Variants in PCDHA9 observed in about 807,000 individuals in gnomAD.
PCDHA9 encodes protocadherin alpha-9.
Under a neutral mutation model 62.0 loss-of-function variants are expected in PCDHA9, and 62 were observed. The observed-to-expected ratio is 1.00, with a 90% confidence interval of 0.81 to 1.23. PCDHA9 has a LOEUF of 1.23. Ranked by LOEUF, PCDHA9 falls within the 50% of genes most tolerant of loss-of-function variation. PCDHA9 has a pLI of 0.00. For missense variants in PCDHA9, 1,205 were observed against 1,249.8 expected, an observed-to-expected ratio of 0.96 and a Z score of 0.54; for synonymous variants, 557 against 567.6, an observed-to-expected ratio of 0.98 and a Z score of 0.27.
chr5:140,892,058 T>C (rs1417540713), intron 1 of PCDHA9, among the ~76,000 whole-genome samples: 3 of 152,248 alleles, frequency 2.0e-5, no homozygotes, highest in African/African-American at 4.8e-5. Context: ...TCAAATTTAT[T>C]GTTACTTTGT....
chr5:140,856,760 G>T, intron 1 of PCDHA9: 1 of 1,596,522 alleles, frequency 6.3e-7, no homozygotes, highest in Admixed American at 1.7e-5. Context: ...CAATGATAAC[G>T]CCCCTATCTT....
At chr5:140,968,317 A>T (rs144335538) in intron 1 of PCDHA9, 17,308 of 1,614,002 alleles carry the variant, frequency 0.011, 130 homozygotes, top group Non-Finnish European at 0.013. Flanking sequence ...AAGGGCTGCC[A>T]GTCACCTCCT....
chr5:141,010,058 C>T lies in PCDHA9; in HGVS notation c.*121C>T. On this transcript the variant is annotated 3_prime_UTR_variant, in exon 4 of 4. Transcript: ENST00000532602. Reference sequence around the variant, plus strand: ...GAGCCCTCTTAGAGACCTCAGAAATCTGCAGAAAGTTCCCTGTGTCTGTCT... The same window carrying T: ...GAGCCCTCTTAGAGACCTCAGAAATTTGCAGAAAGTTCCCTGTGTCTGTCT... 6.2e-7 allele frequency: 1 copy of T among 1,601,100 alleles called. No homozygotes were observed. Among genetic ancestry groups the T allele is most frequent in the Non-Finnish European group, 8.5e-7 (1 of 1,173,728 alleles).
chr5:140,883,251 T>C, intron 1 of PCDHA9: 1 of 1,614,086 alleles, frequency 6.2e-7, no homozygotes, highest in Non-Finnish European at 8.5e-7. Flanking sequence ...AAAGGAAATA[T>C]TCCAATGGCG....
chr5:140,973,974 T>C (rs2096609755), intron 1 of PCDHA9, among the ~76,000 whole-genome samples: 1 of 152,224 alleles, frequency 6.6e-6, no homozygotes. Context: ...TAAATGTGGC[T>C]TTTACAGAAC....
intron 1 of PCDHA9, among the ~76,000 whole-genome samples, chr5:140,872,949 C>T (rs547023229): frequency 2.0e-5 from 3 of 152,234 alleles, no homozygotes; most frequent in African/African-American, 2.4e-5. Context: ...TTTCTTTCCA[C>T]GTAGTATCAT....
In PCDHA9 at chr5:140,848,613, G is replaced by A. The variant is rs147099629; in HGVS notation, c.118G>A (p.Glu40Lys). Residue 40 changes from glutamate (E) to lysine (K), a missense_variant, in exon 1 of 4, where the codon GAA becomes AAA. Physicochemically the swap from Glu to Lys is moderately conservative, Grantham distance 56. Around this residue, in one of 3 missense-constraint regions of PCDHA9, gnomAD observed 208 missense variants for 213.2 expected, o/e 0.98. Coordinates refer to ENST00000532602, the MANE Select transcript of PCDHA9 (RefSeq NM_031857.2). ...CCACTACTCCGTCCCGGAGGAAGCC[G>A]AACACGGCACCTTCGTGGGCCGCAT... Reference protein sequence around the residue: ...QLHYSVPEEAEHGTFVGRIAQ... With the variant: ...QLHYSVPEEAKHGTFVGRIAQ... 4,268 of 1,587,382 alleles carry A rather than the reference G, an allele frequency of 2.7e-3. 465 individuals carry two copies. The highest frequency in any genetic ancestry group is 9.6e-3 in the Middle Eastern group (55 of 5,726).
Position 140,850,197 on chromosome 5 carries a change from C to T in PCDHA9, c.1702C>T (p.Pro568Ser), listed in dbSNP as rs2150472731. 1.9e-6 allele frequency: 3 copies of T among 1,593,590 alleles called. No homozygotes were observed. Among genetic ancestry groups the T allele is most frequent in the Admixed American group, 1.7e-5 (1 of 59,284 alleles). ...ENDNAPALLT[P>S]RMRGTDGAVS... ...CGACAATGCGCCGGCGCTGCTGACA[C>T]CTCGGATGAGGGGCACTGACGGCGC... Residue 568 changes from proline (P) to serine (S), a missense_variant, in exon 1 of 4, where the codon CCT becomes TCT. By Grantham distance (74) the Pro-to-Ser change is moderately conservative. Around this residue, in one of 3 missense-constraint regions of PCDHA9, gnomAD observed 887 missense variants for 809.5 expected, o/e 1.10. Transcript: ENST00000532602.
chr5:140,869,502 C>G (rs2051182557), intron 1 of PCDHA9: 1 of 1,614,090 alleles, frequency 6.2e-7, no homozygotes, highest in African/African-American at 1.3e-5. Context: ...CGCCGGTGTT[C>G]TCGCTCAGAG....
intron 1 of PCDHA9, among the ~76,000 whole-genome samples, chr5:140,957,433 A>G (rs2095359030): frequency 6.6e-6 from 1 of 152,202 alleles, no homozygotes; most frequent in Non-Finnish European, 1.5e-5. Flanking sequence ...TACTGTGCCT[A>G]ATTTATAAAT....
chr5:140,891,931 G>A (rs2063313924), intron 1 of PCDHA9, among the ~76,000 whole-genome samples: 1 of 152,168 alleles, frequency 6.6e-6, no homozygotes, highest in Non-Finnish European at 1.5e-5. Flanking sequence ...CTTGATCTTG[G>A]ACTTCCCCTA....
intron 1 of PCDHA9, among the ~76,000 whole-genome samples, chr5:140,952,351 A>G (rs1217158530): frequency 8.3e-6 from 1 of 120,612 alleles, no homozygotes; most frequent in Non-Finnish European, 1.8e-5. Flanking sequence ...AAAAAAAAAA[A>G]AAAGAAAGAA....
chr5:140,862,448 C>A (rs2047370091), intron 1 of PCDHA9: 1 of 362,316 alleles, frequency 2.8e-6, no homozygotes. Flanking sequence ...TACTCCACAG[C>A]GCCCTGGACC....
At chr5:140,856,568 A>T (rs1554148862) in intron 1 of PCDHA9, 2 of 1,597,928 alleles carry the variant, frequency 1.3e-6, no homozygotes, top group Middle Eastern at 3.3e-4. Flanking sequence ...ACTCAGTCCA[A>T]ATGAGTATTT....
At chr5:140,942,546 TA>T (rs1380022033) in intron 1 of PCDHA9, among the ~76,000 whole-genome samples, 4 of 150,044 alleles carry the variant, frequency 2.7e-5, no homozygotes, top group African/African-American at 9.8e-5. Flanking sequence ...TGGTGGGGGG[TA>T]GGGGGTTGAG....
chr5:140,918,925 T>C (rs2078925990), intron 1 of PCDHA9, among the ~76,000 whole-genome samples: 1 of 152,238 alleles, frequency 6.6e-6, no homozygotes, highest in Non-Finnish European at 1.5e-5. Context: ...ACACAGCATA[T>C]GGCATTTTGT....
chr5:140,921,282 A>C (rs1208744523), intron 1 of PCDHA9, among the ~76,000 whole-genome samples: 1 of 152,224 alleles, frequency 6.6e-6, no homozygotes, highest in Non-Finnish European at 1.5e-5. Flanking sequence ...CTTGAAAAAA[A>C]CCTCAAATTT....
chr5:140,894,821 C>A (rs1303468240), intron 1 of PCDHA9, among the ~76,000 whole-genome samples: 1 of 151,806 alleles, frequency 6.6e-6, no homozygotes, highest in African/African-American at 2.4e-5. Flanking sequence ...TCAGATTTGC[C>A]CATAATCCTT....
At chr5:140,904,176 C>T (rs782427504) in intron 1 of PCDHA9, among the ~76,000 whole-genome samples, 31 of 152,098 alleles carry the variant, frequency 2.0e-4, no homozygotes, top group African/African-American at 6.7e-4. Context: ...TTTTATTCCT[C>T]ACCCCCTTCC....
Sources: allele counts gnomAD v4.1 joint callset (sites outside exome capture counted in the v4.1 genomes callset), GRCh38; gene constraint gnomAD v4.1.1; regional missense constraint gnomAD v4.1.1; transcripts MANE v1.5; gene names NCBI Gene and HGNC (gene_info 2026-07-23, HGNC 2026-07-21).